DOCK1: variants seen among roughly 807,000 people sequenced by gnomAD.
The protein encoded by DOCK1 is dedicator of cytokinesis 1, also known as dedicator of cytokinesis protein 1.
DOCK1 carries 138 observed loss-of-function variants against 262.7 expected under a neutral mutation model. The ratio of observed to expected loss-of-function variants is 0.53; its 90% confidence interval spans 0.46 to 0.61. The LOEUF is 0.61. Ranked by LOEUF, DOCK1 falls within the 20% of genes least tolerant of loss-of-function variation. The pLI is 0.00. For synonymous variants in DOCK1, 866 were observed against 867.4 expected, an observed-to-expected ratio of 1.00 and a Z score of 0.03; for missense variants, 1,908 against 2,370.7, an observed-to-expected ratio of 0.80 and a Z score of 4.05.
intron 48 of DOCK1, 122 bp from the exon 49 acceptor site, chr10:127,438,905 C>CGTA: frequency 9.7e-7 from 1 of 1,030,342 alleles, no homozygotes; most frequent in South Asian, 1.7e-5. Context: ...CACCCTTGGC[C>CGTA]TCCCTTTTAA....
At chr10:127,441,632 G>C (rs1001926669) in intron 49 of DOCK1, among the ~76,000 whole-genome samples, 5 of 152,090 alleles carry the variant, frequency 3.3e-5, no homozygotes, top group African/African-American at 9.7e-5. Flanking sequence ...GGGGAGGTGC[G>C]GGGGAGGAGG....
At chr10:127,125,341 C>A (rs2049880204) in intron 25 of DOCK1, 133 bp from the exon 26 acceptor site, 2 of 1,225,488 alleles carry the variant, frequency 1.6e-6, no homozygotes, top group Non-Finnish European at 1.1e-6. Flanking sequence ...GTAATTGACC[C>A]CCCTCCAGAT....
intron 29 of DOCK1, among the ~76,000 whole-genome samples, chr10:127,281,947 G>A (rs1276285294): frequency 6.6e-6 from 1 of 152,098 alleles, no homozygotes; most frequent in Non-Finnish European, 1.5e-5. Flanking sequence ...CCAATCTTTT[G>A]GCTTCATGTT....
intron 18 of DOCK1, 73 bp from the exon 19 acceptor site, chr10:127,037,646 A>G (rs549976821): frequency 1.5e-6 from 2 of 1,320,136 alleles, no homozygotes; most frequent in South Asian, 1.4e-5. Context: ...AGAACCTCAC[A>G]TAATGCATGA....
chr10:127,291,155 C>T (rs1276884673), intron 29 of DOCK1, among the ~76,000 whole-genome samples: 1 of 152,178 alleles, frequency 6.6e-6, no homozygotes, highest in African/African-American at 2.4e-5. Context: ...TTCCAGCCCT[C>T]TCACTTCAGT....
chr10:127,233,714 G>A (rs1272465632), intron 27 of DOCK1, among the ~76,000 whole-genome samples: 4 of 152,282 alleles, frequency 2.6e-5, no homozygotes, highest in East Asian at 1.9e-4. Context: ...AGGTTTCAGC[G>A]AACGGATAAA....
chr10:126,948,893 G>T (rs1277457105), intron 1 of DOCK1, among the ~76,000 whole-genome samples: 1 of 152,102 alleles, frequency 6.6e-6, no homozygotes, highest in African/African-American at 2.4e-5. Flanking sequence ...GGGTAGTACT[G>T]GGGTTGCGTG....
chr10:127,127,585 G>T, intron 26 of DOCK1, 84 bp from the exon 27 acceptor site: 1 of 1,090,568 alleles, frequency 9.2e-7, no homozygotes, highest in Non-Finnish European at 1.4e-6. Context: ...CTCTTTACAG[G>T]GTAAATGGAT....
chr10:127,000,572 C>T (rs1466132730), intron 10 of DOCK1: 2 of 396,340 alleles, frequency 5.0e-6, no homozygotes, highest in African/African-American at 2.0e-5. Context: ...GTGATCCTGA[C>T]CCATATTCTC....
At chr10:127,103,657 G>C (rs2048376999) in intron 23 of DOCK1, among the ~76,000 whole-genome samples, 1 of 152,202 alleles carries the variant, frequency 6.6e-6, no homozygotes, top group African/African-American at 2.4e-5. Context: ...CCAGTATCTA[G>C]TGCTGCGTGA....
chr10:127,447,141 T>A (rs577292061), intron 50 of DOCK1, among the ~76,000 whole-genome samples: 1 of 152,172 alleles, frequency 6.6e-6, no homozygotes, highest in Non-Finnish European at 1.5e-5. Context: ...GCTCGATGCC[T>A]TGCTTCACAC....
intron 27 of DOCK1, among the ~76,000 whole-genome samples, chr10:127,138,820 T>C (rs904588101): frequency 1.3e-5 from 2 of 152,246 alleles, no homozygotes; most frequent in African/African-American, 2.4e-5. Context: ...TGTTATTTCT[T>C]ACAGCATTTC....
Position 127,053,427 on chromosome 10 carries a change from C to CT in DOCK1, c.2336+613dup, listed in dbSNP as rs2044889959. Among the ~76,000 whole-genome samples the CT allele has an allele frequency of 2.6e-5, 4 of 152,340 alleles. No individual in the cohort carries two copies. In the South Asian group the frequency reaches 6.2e-4, roughly 24 times the overall value. On this transcript the variant is annotated intron_variant, in intron 22 of 51. Coordinates refer to ENST00000623213, the MANE Select transcript of DOCK1 (RefSeq NM_001290223.2). ...CTTGGGCAGACTCTGGGATTTCCTC[C>CT]TCCTCTTTTCCTCAGTAGAGTGATG...
At chr10:127,333,890 T>C (rs1019780245) in intron 29 of DOCK1, among the ~76,000 whole-genome samples, 1 of 152,214 alleles carries the variant, frequency 6.6e-6, no homozygotes, top group African/African-American at 2.4e-5. Context: ...TGCCTCTTCC[T>C]TACCTTTAAT....
At chr10:127,393,248 C>T (rs35167132) in intron 38 of DOCK1, among the ~76,000 whole-genome samples, 69,990 of 151,974 alleles carry the variant, frequency 0.46, 16,441 homozygotes, top group Non-Finnish European at 0.48. Flanking sequence ...CAGTGATTAC[C>T]GGGGCTTGCA....
chr10:127,294,360 T>G (rs567383488), intron 29 of DOCK1, among the ~76,000 whole-genome samples: 1 of 152,330 alleles, frequency 6.6e-6, no homozygotes, highest in East Asian at 1.9e-4. Context: ...TCACTCTTGT[T>G]GCCCAGCCTG....
chr10:127,032,300 C>A lies in DOCK1; in HGVS notation c.1892C>A (p.Ser631Tyr). Residue 631 changes from serine to tyrosine, a missense_variant, in exon 18 of 52, where the codon TCC becomes TAC. Around this residue, in one of 9 missense-constraint regions of DOCK1, gnomAD observed 294 missense variants for 439.9 expected, o/e 0.67. Coordinates refer to ENST00000623213, the MANE Select transcript of DOCK1 (RefSeq NM_001290223.2). Reference sequence around the variant, plus strand: ...TTCCAGATCTCCACGCTCGTGTGCTCCACCAAACTGACTCAGAACGGTGCG... The same window carrying A: ...TTCCAGATCTCCACGCTCGTGTGCTACACCAAACTGACTCAGAACGGTGCG... ...DSFQISTLVC[S>Y]TKLTQNVDLL... 6.4e-7 allele frequency: 1 copy of A among 1,572,332 alleles called. No homozygotes were observed. The highest frequency in any genetic ancestry group is 2.3e-5 in the East Asian group (1 of 43,710).
At chr10:127,140,619 C>CGGTTGAGTTTGACCCACCAAGTCTCTG (rs2051139811) in intron 27 of DOCK1, among the ~76,000 whole-genome samples, 2 of 48,244 alleles carry the variant, frequency 4.1e-5, no homozygotes, top group Admixed American at 2.5e-4. Context: ...CCAAGTCTCT[C>CGGTTGAGTTTGACCCACCAAGTCTCTG]GGTTGAGTTT....
intron 48 of DOCK1, among the ~76,000 whole-genome samples, chr10:127,438,665 A>C (rs1478666361): frequency 2.0e-5 from 3 of 152,208 alleles, no homozygotes; most frequent in Admixed American, 6.5e-5. Context: ...CCCCATTAAA[A>C]AATAGACAAA....
Sources: allele counts gnomAD v4.1 joint callset (sites outside exome capture counted in the v4.1 genomes callset), GRCh38; gene constraint gnomAD v4.1.1; regional missense constraint gnomAD v4.1.1; transcripts MANE v1.5; gene names NCBI Gene and HGNC (gene_info 2026-07-23, HGNC 2026-07-21).